The following DLEC1 variants were observed in gnomAD, a reference collection of about 807,000 sequenced individuals.
The protein encoded by DLEC1 is deleted in lung and esophageal cancer protein 1.
DLEC1 carries 146 observed loss-of-function variants against 198.1 expected under a neutral mutation model. The observed-to-expected ratio is 0.74, with a 90% confidence interval of 0.64 to 0.85. The LOEUF is 0.85. Ranked by LOEUF, DLEC1 falls within the 40% of genes least tolerant of loss-of-function variation. DLEC1 has a pLI of 0.00. For missense variants in DLEC1, 2,233 were observed against 2,220.0 expected (o/e 1.01, Z -0.12); for synonymous variants, 897 against 866.8 (o/e 1.03, Z -0.61).
At chr3:38,084,621 T>TGGTGGTGGTAGTGGTA (rs1553617798) in intron 7 of DLEC1, among the ~76,000 whole-genome samples, 1 of 126,390 alleles carries the variant, frequency 7.9e-6, no homozygotes, top group African/African-American at 3.0e-5. Flanking sequence ...GTAGCAGTAC[T>TGGTGGTGGTAGTGGTA]GCTACTACTT....
chr3:38,073,115 T>C (rs1227921205), intron 6 of DLEC1, among the ~76,000 whole-genome samples: 1 of 151,970 alleles, frequency 6.6e-6, no homozygotes, highest in Non-Finnish European at 1.5e-5. Flanking sequence ...GAGGCTGGGA[T>C]GAGGAGTGCA....
At chr3:38,111,491 C>T (rs1004454508) in intron 23 of DLEC1, among the ~76,000 whole-genome samples, 186 bp from the exon 24 acceptor site, 1 of 152,140 alleles carries the variant, frequency 6.6e-6, no homozygotes, top group Non-Finnish European at 1.5e-5. Context: ...GGTAGGGGTA[C>T]AGTGGGAGCA....
chr3:38,054,799 C>A (rs752842753), intron 2 of DLEC1, among the ~76,000 whole-genome samples: 1 of 152,210 alleles, frequency 6.6e-6, no homozygotes, highest in Non-Finnish European at 1.5e-5. Flanking sequence ...ACCAGCTAAA[C>A]ATGAGCTCAC....
intron 6 of DLEC1, among the ~76,000 whole-genome samples, chr3:38,075,142 G>A (rs544451591): frequency 8.5e-5 from 13 of 152,200 alleles, no homozygotes; most frequent in South Asian, 2.1e-4. Flanking sequence ...AAGGAAGACT[G>A]GAAAGATTCA....
chr3:38,096,436 T>G, intron 14 of DLEC1, 133 bp from the exon 15 acceptor site: 5 of 1,064,944 alleles, frequency 4.7e-6, no homozygotes, highest in South Asian at 1.6e-5. Flanking sequence ...TGCCTTTGAT[T>G]TAGGGGGCTC....
intron 1 of DLEC1, among the ~76,000 whole-genome samples, chr3:38,041,330 A>G (rs1054123337): frequency 2.0e-5 from 3 of 151,934 alleles, no homozygotes; most frequent in African/African-American, 4.8e-5. Flanking sequence ...AAATTGTGAG[A>G]TGGGGTCCCA....
chr3:38,101,509 T>C (rs1699305283), intron 19 of DLEC1, among the ~76,000 whole-genome samples: 1 of 151,274 alleles, frequency 6.6e-6, no homozygotes, highest in Non-Finnish European at 1.5e-5. Context: ...CGTTAAACTA[T>C]ATATATGTTT....
chr3:38,084,380 G>GTA (rs1698255666), intron 7 of DLEC1, 135 bp downstream of exon 7: 4 of 515,132 alleles, frequency 7.8e-6, no homozygotes, highest in Non-Finnish European at 1.2e-5. Context: ...TAGTGATGGT[G>GTA]GTAGTAGTGG....
rs202127546 is a variant in DLEC1, at chr3:38,112,270, A to G, written c.3575A>G (p.Gln1192Arg). Residue 1192 changes from glutamine to arginine, a missense_variant, in exon 25 of 37, where the codon CAG becomes CGG. Physicochemically the swap from Gln to Arg is conservative, Grantham distance 43 (BLOSUM62 1). Transcript: ENST00000308059. The surrounding 1 kb of genome is among the most constrained non-coding windows in gnomAD (Gnocchi z 4.8). The stretch of plus-strand genomic sequence containing the variant: ...GCTGCTTTCTTCCCTCACTTTTCCC[A>G]GGGCATGCTGGGGCCCTACCAGCAG... ...KGAAFFPHFS[Q>R]GMLGPYQQLC... 44 of 1,614,114 alleles carry G rather than the reference A, an allele frequency of 2.7e-5. 1 individual carries two copies. In the Admixed American group the frequency reaches 5.7e-4, roughly 21 times the overall value.
Position 38,122,990 on chromosome 3 carries a change from G to A in DLEC1, c.*578G>A, listed in dbSNP as rs1700567412. On this transcript the variant is annotated 3_prime_UTR_variant, in exon 37 of 37. Coordinates refer to ENST00000308059, the MANE Select transcript of DLEC1 (RefSeq NM_007335.4). ...GTGGTTTTGCTTTTGTGGTGTTACT[G>A]CCTTGCTGCTAGAGCAGCAGGACTG... is the stretch of plus-strand genomic sequence containing the variant. The A allele has an allele frequency of 3.2e-6, 5 of 1,576,036 alleles. No individual in the cohort carries two copies. The South Asian group carries it at 4.4e-5, about 14-fold the overall frequency.
At chr3:38,071,784 G>GTA (rs2125635360) in intron 6 of DLEC1, among the ~76,000 whole-genome samples, 1 of 152,362 alleles carries the variant, frequency 6.6e-6, no homozygotes, top group East Asian at 1.9e-4. Flanking sequence ...GGACCCTTGT[G>GTA]TAGTGAGGGA....
At chr3:38,052,237 C>A in intron 2 of DLEC1, 1 of 474,798 alleles carries the variant, frequency 2.1e-6, no homozygotes, top group Non-Finnish European at 4.2e-6. Flanking sequence ...TGGGCAGTAC[C>A]TGATGACCAG....
intron 14 of DLEC1, 36 bp from the exon 15 acceptor site, chr3:38,096,533 G>A (rs773465535): frequency 6.3e-7 from 1 of 1,592,176 alleles, no homozygotes; most frequent in South Asian, 1.1e-5. Flanking sequence ...GCTTCCAGGT[G>A]TGCCGGCTCC....
rs1334420713 is a variant in DLEC1 at position 38,062,348 on chromosome 3, A to G, written c.853A>G (p.Arg285Gly). The part of the protein sequence containing the change: ...TWNLTPKAKE[R>G]TREPLKKASQ... ...GAATTTAACTCCTAAGGCCAAAGAA[A>G]GGACCAGAGAACCTCTCAAGGTCAG... The change falls in exon 4 of 37, where the codon AGG (arginine) becomes GGG (glycine). Residue 285 changes from arginine to glycine, a missense_variant. Coordinates refer to ENST00000308059, the MANE Select transcript of DLEC1 (RefSeq NM_007335.4). 2 of 1,614,236 alleles carry G rather than the reference A, an allele frequency of 1.2e-6. No homozygotes were observed. The highest frequency in any genetic ancestry group is 1.7e-5 in the Admixed American group (1 of 60,028).
In DLEC1 at chr3:38,122,387, G is replaced by T; in HGVS notation, c.5243G>T (p.Arg1748Ile). The change falls in exon 37 of 37, where the codon AGA becomes ATA. Residue 1748 changes from arginine (R) to isoleucine (I), a missense_variant. Arg to Ile is a moderately conservative substitution (Grantham distance 97). Coordinates refer to ENST00000308059, the MANE Select transcript of DLEC1 (RefSeq NM_007335.4). The part of the protein sequence containing the change: ...RLRGQGSYDE[R>I]YMLPHQP ...CGGGGCCAAGGCTCCTATGATGAGA[G>T]ATACATGTTGCCTCACCAGCCCTGA... The T allele has an allele frequency of 6.2e-7, 1 of 1,614,180 alleles. No individual in the cohort carries two copies. The highest frequency in any genetic ancestry group is 8.5e-7 in the Non-Finnish European group (1 of 1,180,030).
chr3:38,039,745 T>C (rs2125563171), intron 1 of DLEC1, 109 bp downstream of exon 1: 8 of 1,414,674 alleles, frequency 5.7e-6, no homozygotes, highest in Non-Finnish European at 6.6e-6. Context: ...GGGGCTGCAG[T>C]TGAGAAACAG....
chr3:38,084,333 G>C (rs1698241385), intron 7 of DLEC1, 88 bp downstream of exon 7: 14 of 1,191,222 alleles, frequency 1.2e-5, no homozygotes, highest in Middle Eastern at 2.0e-4. Flanking sequence ...GGTAGTAATG[G>C]TAGCAATGAT....
chr3:38,089,554 TCTA>T (rs1400265585), intron 10 of DLEC1, among the ~76,000 whole-genome samples: 1 of 152,138 alleles, frequency 6.6e-6, no homozygotes, highest in Non-Finnish European at 1.5e-5. Flanking sequence ...TCAGGCCTCA[TCTA>T]CTGCTGAGGG....
chr3:38,050,932 C>T (rs1701084655), intron 2 of DLEC1, among the ~76,000 whole-genome samples: 1 of 138,582 alleles, frequency 7.2e-6, no homozygotes, highest in African/African-American at 2.7e-5. Context: ...CACCATGTCT[C>T]TCTCTCTCTT....
Sources: allele counts gnomAD v4.1 joint callset (sites outside exome capture counted in the v4.1 genomes callset), GRCh38; gene constraint gnomAD v4.1.1; non-coding constraint Gnocchi (gnomAD v3.1); transcripts MANE v1.5; gene names NCBI Gene and HGNC (gene_info 2026-07-23, HGNC 2026-07-21).